ALMS1: variants seen among roughly 807,000 people sequenced by gnomAD.
ALMS1 encodes ALMS1 centrosome and basal body associated protein.
In ALMS1, 271 loss-of-function variants were observed where a neutral mutation model predicts 352.2. That is an observed-to-expected ratio of 0.77 (90% CI 0.70 to 0.85). ALMS1 has a LOEUF of 0.85. Among genes scored for constraint, ALMS1 ranks in the 40% least tolerant of loss-of-function variants. ALMS1 has a pLI of 0.00. For missense variants in ALMS1, 5,445 were observed against 4,870.7 expected, an observed-to-expected ratio of 1.12 and a Z score of -3.51; for synonymous variants, 1,865 against 1,761.2, an observed-to-expected ratio of 1.06 and a Z score of -1.48.
At chr2:73,526,066 T>C (rs1448687397) in intron 11 of ALMS1, among the ~76,000 whole-genome samples, 1 of 152,214 alleles carries the variant, frequency 6.6e-6, no homozygotes, top group Non-Finnish European at 1.5e-5. Context: ...TTGGCACCTT[T>C]GTTGAAAATG....
intron 5 of ALMS1, among the ~76,000 whole-genome samples, chr2:73,425,855 CA>C (rs1237846692): frequency 2.2e-4 from 33 of 152,168 alleles, no homozygotes; most frequent in Admixed American, 1.9e-3. Flanking sequence ...TACTGGCATC[CA>C]AATTTAAAAT....
chr2:73,432,103 A>G, intron 6 of ALMS1, 95 bp from the exon 7 acceptor site: 2 of 916,558 alleles, frequency 2.2e-6, no homozygotes, highest in Non-Finnish European at 1.8e-6. Context: ...TGAAATTAAT[A>G]TCTTATTTTC....
chr2:73,430,442 G>A (rs1190084127), intron 6 of ALMS1, among the ~76,000 whole-genome samples: 1 of 152,040 alleles, frequency 6.6e-6, no homozygotes, highest in Non-Finnish European at 1.5e-5. Flanking sequence ...TTGACGTCAA[G>A]CTTGTAATAA....
In ALMS1 at chr2:73,419,500, A is replaced by G. The variant is rs866397434; in HGVS notation, c.646+182A>G. Reference sequence around the variant, plus strand: ...TTTACTGGCTAGCTGATCTAATTATATTAAGTGTGCAGTTGCCTCTCATTT... The same window carrying G: ...TTTACTGGCTAGCTGATCTAATTATGTTAAGTGTGCAGTTGCCTCTCATTT... On this transcript the variant is annotated intron_variant, in intron 3 of 22. Transcript: ENST00000613296. 3.9e-5 allele frequency among the ~76,000 whole-genome samples: 6 copies of G among 152,254 alleles called. No homozygotes were observed. In the Middle Eastern group the frequency reaches 0.014, roughly 345 times the overall value.
Position 73,408,724 on chromosome 2 carries a change from C to T in ALMS1, c.427C>T (p.Gln143Ter), listed in dbSNP as rs150825781. 4.7e-5 allele frequency: 75 copies of T among 1,612,310 alleles called. 1 individual carries two copies. In the East Asian group the frequency reaches 1.6e-3, roughly 34 times the overall value. Reference sequence around the variant, plus strand: ...TGTGGTCTGTTTGGAAACAACAGCTCAGCGGGGTTCTGGGGATGATCAGGT... The same window carrying T: ...TGTGGTCTGTTTGGAAACAACAGCTTAGCGGGGTTCTGGGGATGATCAGGT... ...TNVVCLETTA[Q>*]RGSGDDQKTE... Residue 143 changes from glutamine to a stop codon, truncating the protein, a stop_gained, in exon 2 of 23, where the codon CAG (glutamine) becomes TAG (stop). Transcript: ENST00000613296. LOFTEE classifies it high-confidence loss of function.
Position 73,490,907 on chromosome 2 carries a change from A to T in ALMS1, c.8948A>T (p.His2983Leu). Residue 2983 changes from histidine to leucine, a missense_variant, in exon 10 of 23, where the codon CAC becomes CTC. By Grantham distance (99) the His-to-Leu change is moderately conservative (BLOSUM62 -3). Transcript: ENST00000613296. Reference sequence around the variant, plus strand: ...GGTGTAGATGACCAAATGAATAAACACCATTTTCCCCTTCCTCAAGGTCAG... The same window carrying T: ...GGTGTAGATGACCAAATGAATAAACTCCATTTTCCCCTTCCTCAAGGTCAG... ...APGVDDQMNK[H>L]HFPLPQGQDC... 1 of 1,613,966 alleles carries T rather than the reference A, an allele frequency of 6.2e-7. No individual in the cohort carries two copies. The highest frequency in any genetic ancestry group is 1.3e-5 in the African/African-American group (1 of 74,974).
chr2:73,452,850 A>G lies in ALMS1; in HGVS notation c.6323A>G (p.Glu2108Gly), dbSNP rs1041224047. The G allele has an allele frequency of 2.0e-5, 32 of 1,613,900 alleles. No individual in the cohort carries two copies. The highest frequency in any genetic ancestry group is 2.5e-5 in the Non-Finnish European group (30 of 1,179,982). Residue 2108 changes from glutamate (E) to glycine (G), a missense_variant, in exon 8 of 23, where the codon GAA (glutamate) becomes GGA (glycine). Transcript: ENST00000613296. ...REKSNIFSPQ[E>G]LPGSHVTEDV... ...AAATCGAATATTTTCAGTCCACAGG[A>G]ATTGCCAGGTAGTCATGTAACTGAA... is the stretch of plus-strand genomic sequence containing the variant.
chr2:73,511,405 C>A (rs575794384), intron 10 of ALMS1, among the ~76,000 whole-genome samples: 34 of 152,140 alleles, frequency 2.2e-4, no homozygotes, highest in African/African-American at 7.2e-4. Flanking sequence ...TCATGGCTTC[C>A]CTTGGTTAGG....
Position 73,550,229 on chromosome 2 carries a change from C to G in ALMS1, c.9908-38C>G, listed in dbSNP as rs370835763. The G allele has an allele frequency of 2.8e-4, 450 of 1,611,114 alleles. 3 individuals carry two copies. The African/African-American group carries it at 5.3e-3, about 19-fold the overall frequency. ...AAAAGTCTTTCTCAATCTCATGTCGCTATTTGTGTTTTGTATTACTTCCCC... is the reference window on the plus strand; with the variant it reads ...AAAAGTCTTTCTCAATCTCATGTCGGTATTTGTGTTTTGTATTACTTCCCC... On this transcript the variant is annotated intron_variant, in intron 12 of 22. Coordinates refer to ENST00000613296, the MANE Select transcript of ALMS1 (RefSeq NM_001378454.1).
At chr2:73,562,585 ATTATAGGG>A (rs919163850) in intron 15 of ALMS1, among the ~76,000 whole-genome samples, 2 of 152,254 alleles carry the variant, frequency 1.3e-5, no homozygotes, top group African/African-American at 4.8e-5. Context: ...TGTGTAAGTA[ATTATAGGG>A]TTGAAAATTA....
intron 1 of ALMS1, among the ~76,000 whole-genome samples, chr2:73,394,593 A>G (rs1572896826): frequency 6.6e-6 from 1 of 150,980 alleles, no homozygotes; most frequent in Non-Finnish European, 1.5e-5. Context: ...CAAGTGATCC[A>G]CCTGCCTTGG....
At chr2:73,390,603 T>C (rs1424714847) in intron 1 of ALMS1, among the ~76,000 whole-genome samples, 1 of 152,160 alleles carries the variant, frequency 6.6e-6, no homozygotes, top group Non-Finnish European at 1.5e-5. Flanking sequence ...CAGAGCCTTA[T>C]GTTGTTTTTA....
Position 73,579,063 on chromosome 2 carries a change from C to CTTTTTTTTTTTTTTTTTTTTTT in ALMS1, c.11547+5646_11547+5647insTTTTTTTTTTTTTTTTTTTTTT, listed in dbSNP as rs372240184. Among the ~76,000 whole-genome samples, 86 of 119,130 alleles carry CTTTTTTTTTTTTTTTTTTTTTT rather than the reference C, an allele frequency of 7.2e-4. 16 individuals carry two copies. Among genetic ancestry groups the CTTTTTTTTTTTTTTTTTTTTTT allele is most frequent in the African/African-American group, 1.9e-3 (43 of 23,202 alleles). 78.2% of individuals were successfully genotyped at this position (119,130 alleles called of 152,430 possible). ...GAATGTCTTTAATTTCTCCTTTATTCTTTTTTTATTTATTTTTTTTTTTGA... is the reference window on the plus strand; with the variant it reads ...GAATGTCTTTAATTTCTCCTTTATTCTTTTTTTTTTTTTTTTTTTTTTTTTTTTTATTTATTTTTTTTTTTGA... On this transcript the variant is annotated intron_variant, in intron 16 of 22. Coordinates refer to ENST00000613296, the MANE Select transcript of ALMS1 (RefSeq NM_001378454.1).
intron 9 of ALMS1, among the ~76,000 whole-genome samples, chr2:73,466,252 A>T (rs1183984555): frequency 6.6e-6 from 1 of 152,150 alleles, no homozygotes; most frequent in Non-Finnish European, 1.5e-5. Context: ...CAAGAATGAT[A>T]GACTGGATTA....
intron 9 of ALMS1, among the ~76,000 whole-genome samples, chr2:73,460,965 T>C (rs2091502): frequency 0.96 from 146,307 of 152,348 alleles, 70,305 homozygotes; most frequent in East Asian, 1. Flanking sequence ...TGGAGCCCAC[T>C]ACAGCTCAAG....
At position 73,609,874 on chromosome 2, in the gene ALMS1, G is replaced by A. The variant is rs929987118; in HGVS notation, c.*262G>A. ...ATTTCTCAAGAATAAGTCCCTTTTT[G>A]TATGTGTTTTTATACTTTTAGAAAA... On this transcript the variant is annotated 3_prime_UTR_variant, in exon 23 of 23. Coordinates refer to ENST00000613296, the MANE Select transcript of ALMS1 (RefSeq NM_001378454.1). 1.9e-5 allele frequency: 9 copies of A among 466,998 alleles called. No individual in the cohort carries two copies. The East Asian group carries it at 2.8e-4, about 15-fold the overall frequency. 28.9% of individuals were successfully genotyped at this position (466,998 alleles called of 1,614,324 possible).
chr2:73,450,504 T>A lies in ALMS1; in HGVS notation c.3977T>A (p.Ile1326Lys). The change falls in exon 8 of 23, where the codon ATA (isoleucine) becomes AAA (lysine). Residue 1326 changes from isoleucine (I) to lysine (K), a missense_variant. Physicochemically the swap from Ile to Lys is moderately radical, Grantham distance 102. Coordinates refer to ENST00000613296, the MANE Select transcript of ALMS1 (RefSeq NM_001378454.1). Reference protein sequence around the residue: ...VPGPADQKTVIPILPSTFYSH... With the variant: ...VPGPADQKTVKPILPSTFYSH... ...GGACCAGCTGACCAGAAGACTGTGATACCAATTTTACCCTCTACTTTCTAC... is the reference window on the plus strand; with the variant it reads ...GGACCAGCTGACCAGAAGACTGTGAAACCAATTTTACCCTCTACTTTCTAC... 5 of 1,609,714 alleles carry A rather than the reference T, an allele frequency of 3.1e-6. No individual in the cohort carries two copies. The highest frequency in any genetic ancestry group is 4.2e-6 in the Non-Finnish European group (5 of 1,178,832).
rs573098693 is a variant in ALMS1 at position 73,482,704 on chromosome 2, G to C, written c.7675-6930G>C. Among the ~76,000 whole-genome samples the C allele has an allele frequency of 2.0e-5, 3 of 152,002 alleles. No individual in the cohort carries two copies. The East Asian group carries it at 5.8e-4, about 29-fold the overall frequency. The stretch of plus-strand genomic sequence containing the variant: ...TAGAATTCGGCTGTTAATCCATCTG[G>C]TCCTGGACTCTTTTTGGTTGGTAAG... On this transcript the variant is annotated intron_variant, in intron 9 of 22. Coordinates refer to ENST00000613296, the MANE Select transcript of ALMS1 (RefSeq NM_001378454.1).
chr2:73,399,016 G>T (rs1027662119), intron 1 of ALMS1, among the ~76,000 whole-genome samples: 25 of 151,380 alleles, frequency 1.7e-4, no homozygotes, highest in Admixed American at 3.9e-4. Context: ...GCTAATTTTT[G>T]TTTTTTTTGT....
Sources: gnomAD v4.1 joint callset for allele counts (sites outside exome capture counted in the v4.1 genomes callset) on GRCh38, gnomAD v4.1.1 for gene constraint, MANE v1.5 for transcripts, NCBI Gene and HGNC (gene_info 2026-07-23, HGNC 2026-07-21) for gene names.